The following PRIM1 variants were observed in gnomAD, a reference collection of about 807,000 sequenced individuals.
The protein encoded by PRIM1 is DNA primase subunit 1.
In PRIM1, 38 loss-of-function variants were observed where a neutral mutation model predicts 60.2. That is an observed-to-expected ratio of 0.63 (90% CI 0.49 to 0.83). PRIM1 has a LOEUF of 0.83. Ranked by LOEUF, PRIM1 falls within the 40% of genes least tolerant of loss-of-function variation. The pLI, the probability that PRIM1 is intolerant of heterozygous loss-of-function variation, is 0.00. For missense variants in PRIM1, 388 were observed against 506.2 expected, an observed-to-expected ratio of 0.77 and a Z score of 2.24; for synonymous variants, 158 against 160.2, an observed-to-expected ratio of 0.99 and a Z score of 0.10.
chr12:56,738,854 A>G (rs1005774440), intron 10 of PRIM1, among the ~76,000 whole-genome samples: 10 of 152,128 alleles, frequency 6.6e-5, no homozygotes, highest in African/African-American at 2.2e-4. Flanking sequence ...CTCACCACGA[A>G]CAAGAGAAGT....
intron 7 of PRIM1, 76 bp from the exon 8 acceptor site, chr12:56,741,913 A>G: frequency 8.1e-7 from 1 of 1,240,092 alleles, no homozygotes; most frequent in Non-Finnish European, 1.2e-6. Context: ...TATTACCACA[A>G]GGGTGTCTTA....
chr12:56,742,568 G>A (rs575101423), intron 7 of PRIM1, among the ~76,000 whole-genome samples: 5 of 152,014 alleles, frequency 3.3e-5, no homozygotes, highest in African/African-American at 4.8e-5. Flanking sequence ...ATAAGACTCC[G>A]TCTTAAAAAC....
chr12:56,738,326 A>G, intron 11 of PRIM1, 108 bp downstream of exon 11: 1 of 1,424,484 alleles, frequency 7.0e-7, no homozygotes, highest in Admixed American at 2.5e-5. Flanking sequence ...GTTCCAGGAC[A>G]AATGCTGATC....
intron 11 of PRIM1, among the ~76,000 whole-genome samples, 157 bp from the exon 12 acceptor site, chr12:56,734,402 A>G (rs1953807964): frequency 6.6e-6 from 1 of 152,140 alleles, no homozygotes; most frequent in Admixed American, 6.6e-5. Context: ...ACATTAAAAA[A>G]GGTGAAATTA....
Position 56,747,004 on chromosome 12 carries a change from C to G in PRIM1, c.290G>C (p.Gly97Ala), listed in dbSNP as rs747757808. 1.2e-6 allele frequency: 2 copies of G among 1,613,278 alleles called. No individual in the cohort carries two copies. The highest frequency in any genetic ancestry group is 8.5e-7 in the Non-Finnish European group (1 of 1,179,456). ...RPNQHNTVKL[G>A]AFQAQEKELV... ...TTCTTTTTCCTGAGCCTGGAAAGCT[C>G]CCAGCTTCACTGTATTGTGTTGATT... The change falls in exon 3 of 13, where the codon GGA becomes GCA. Residue 97 changes from glycine to alanine, a missense_variant. Transcript: ENST00000338193.
chr12:56,742,973 A>C lies in PRIM1; in HGVS notation c.748+14T>G. On this transcript the variant is annotated intron_variant, in intron 7 of 12. Coordinates refer to ENST00000338193, the MANE Select transcript of PRIM1 (RefSeq NM_000946.3). ...ACAACTAGCTCACACAGAAATGATC[A>C]CGGGAAAGGATATTTTCAGGAACAA... 6.7e-7 allele frequency: 1 copy of C among 1,501,132 alleles called. No homozygotes were observed. The highest frequency in any genetic ancestry group is 8.9e-7 in the Non-Finnish European group (1 of 1,120,944). The allele number at this position is 1,501,132 out of a possible 1,614,324, so 93.0% of individuals were successfully genotyped here.
intron 11 of PRIM1, among the ~76,000 whole-genome samples, chr12:56,735,221 C>T (rs1953818186): frequency 6.6e-6 from 1 of 152,022 alleles, no homozygotes; most frequent in African/African-American, 2.4e-5. Flanking sequence ...GCCTCAGCCT[C>T]CTGAGTAGCT....
chr12:56,733,693 G>A (rs1415494320), intron 12 of PRIM1, among the ~76,000 whole-genome samples: 3 of 151,448 alleles, frequency 2.0e-5, no homozygotes, highest in South Asian at 2.1e-4. Flanking sequence ...CGGTTCAAGC[G>A]ATTCTCATGT....
intron 8 of PRIM1, 27 bp downstream of exon 8, chr12:56,741,719 T>G (rs1316298661): frequency 6.2e-7 from 1 of 1,603,200 alleles, no homozygotes; most frequent in African/African-American, 1.3e-5. Context: ...TTATTATATC[T>G]GTAATACAGA....
chr12:56,744,035 T>A (rs778951557), intron 6 of PRIM1, 30 bp downstream of exon 6: 2 of 1,506,490 alleles, frequency 1.3e-6, no homozygotes, highest in South Asian at 1.2e-5. Flanking sequence ...ATCAGACACC[T>A]TAAAGTGCTT....
rs1953882892 is a variant in PRIM1, at chr12:56,743,009, C to G, written c.726G>C (p.Lys242Asn). 1 of 1,545,778 alleles carries G rather than the reference C, an allele frequency of 6.5e-7. No individual in the cohort carries two copies. The highest frequency in any genetic ancestry group is 8.7e-7 in the Non-Finnish European group (1 of 1,147,770). The change falls in exon 7 of 13, where the codon AAG (lysine) becomes AAC (asparagine). Residue 242 changes from lysine (K) to asparagine (N), a missense_variant. Coordinates refer to ENST00000338193, the MANE Select transcript of PRIM1 (RefSeq NM_000946.3). ...DILENKESWD[K>N]ILALVPETIH... ...TATTTTCAGGAACAAGGGCTAAAAT[C>G]TTATCCCAGCTTTCTTTATTTTCGA...
intron 4 of PRIM1, among the ~76,000 whole-genome samples, 156 bp downstream of exon 4, chr12:56,746,625 G>C (rs1329588610): frequency 9.4e-6 from 1 of 105,870 alleles, no homozygotes; most frequent in African/African-American, 3.9e-5. Flanking sequence ...AGTGAGACTC[G>C]TCACACACAC....
At chr12:56,746,607 G>A (rs974674613) in intron 4 of PRIM1, among the ~76,000 whole-genome samples, 174 bp downstream of exon 4, 1 of 144,380 alleles carries the variant, frequency 6.9e-6, no homozygotes. Flanking sequence ...CTCCAGCCTG[G>A]CTGACAGAGT....
intron 11 of PRIM1, among the ~76,000 whole-genome samples, chr12:56,734,639 G>A (rs1953810417): frequency 6.6e-6 from 1 of 150,392 alleles, no homozygotes; most frequent in African/African-American, 2.5e-5. Flanking sequence ...GAACTCCTGA[G>A]CTCGAGTGAT....
intron 7 of PRIM1, 42 bp downstream of exon 7, chr12:56,742,945 A>G (rs1011359616): frequency 7.1e-7 from 1 of 1,409,838 alleles, no homozygotes; most frequent in Non-Finnish European, 9.5e-7. Flanking sequence ...ATCACAGATC[A>G]AAACAACTAG....
intron 5 of PRIM1, 94 bp from the exon 6 acceptor site, chr12:56,744,217 A>G (rs1041224488): frequency 3.6e-5 from 35 of 960,170 alleles, no homozygotes; most frequent in Non-Finnish European, 5.0e-5. Flanking sequence ...TGGACTGCAT[A>G]TAAGATGGTG....
intron 9 of PRIM1, 132 bp downstream of exon 9, chr12:56,741,303 T>A: frequency 1.0e-6 from 1 of 967,414 alleles, no homozygotes. Context: ...CTGACTTAGG[T>A]ATTGGGTGAC....
At chr12:56,747,525 C>T (rs1265138552) in intron 2 of PRIM1, among the ~76,000 whole-genome samples, 1 of 152,156 alleles carries the variant, frequency 6.6e-6, no homozygotes, top group Non-Finnish European at 1.5e-5. Flanking sequence ...GCGGGCAGAT[C>T]ACTTGAGGTC....
Position 56,741,737 on chromosome 12 carries a change from G to T in PRIM1, c.840+9C>A. 6.2e-7 allele frequency: 1 copy of T among 1,609,538 alleles called. No homozygotes were observed. Among genetic ancestry groups the T allele is most frequent in the Non-Finnish European group, 8.5e-7 (1 of 1,176,252 alleles). Reference sequence around the variant, plus strand: ...TTATATCTGTAATACAGATTTCAGTGGCATATACCTGATATCTGCTGGCTA... The same window carrying T: ...TTATATCTGTAATACAGATTTCAGTTGCATATACCTGATATCTGCTGGCTA... On this transcript the variant is annotated intron_variant, in intron 8 of 12. Coordinates refer to ENST00000338193, the MANE Select transcript of PRIM1 (RefSeq NM_000946.3).
Sources: gnomAD v4.1 joint callset for allele counts (sites outside exome capture counted in the v4.1 genomes callset) on GRCh38, gnomAD v4.1.1 for gene constraint, MANE v1.5 for transcripts, NCBI Gene and HGNC (gene_info 2026-07-23, HGNC 2026-07-21) for gene names.